The following ASAP1 variants were observed in gnomAD, a reference collection of about 807,000 sequenced individuals.
ASAP1 encodes the protein arf-GAP with SH3 domain, ANK repeat and PH domain-containing protein 1.
A neutral mutation model predicts 145.2 loss-of-function variants in ASAP1; 43 were observed. The observed-to-expected ratio is 0.30, with a 90% CI of 0.23 to 0.38. The LOEUF is 0.38. ASAP1 is among the 10% of genes least tolerant of loss of function. The pLI is 1.00. For synonymous variants in ASAP1, 546 were observed against 515.5 expected, an observed-to-expected ratio of 1.06 and a Z score of -0.80; for missense variants, 1,018 against 1,355.3, an observed-to-expected ratio of 0.75 and a Z score of 3.91.
chr8:130,085,955 G>A (rs1487835951), intron 25 of ASAP1, among the ~76,000 whole-genome samples: 1 of 152,134 alleles, frequency 6.6e-6, no homozygotes, highest in African/African-American at 2.4e-5. Flanking sequence ...TTGTGGTTCT[G>A]GCAGGGAAAA....
chr8:130,188,090 C>A lies in ASAP1; in HGVS notation c.480+19G>T. Reference sequence around the variant, plus strand: ...AATCCTTTCAAGTTAAAGTGAAAATCAAATTTCTGAACACTTACTCCTTTG... The same window carrying A: ...AATCCTTTCAAGTTAAAGTGAAAATAAAATTTCTGAACACTTACTCCTTTG... On this transcript the variant is annotated intron_variant, in intron 6 of 29. Transcript: ENST00000518721. 6.3e-7 allele frequency: 1 copy of A among 1,580,158 alleles called. No homozygotes were observed. Among genetic ancestry groups the A allele is most frequent in the Non-Finnish European group, 8.7e-7 (1 of 1,154,414 alleles).
At chr8:130,228,574 G>C (rs1326602190) in intron 4 of ASAP1, among the ~76,000 whole-genome samples, 1 of 151,830 alleles carries the variant, frequency 6.6e-6, no homozygotes, top group East Asian at 1.9e-4. Context: ...GGTAGCAAGT[G>C]CCTGTGGTCC....
At chr8:130,264,085 G>T (rs1820100785) in intron 3 of ASAP1, among the ~76,000 whole-genome samples, 1 of 152,224 alleles carries the variant, frequency 6.6e-6, no homozygotes, top group African/African-American at 2.4e-5. Context: ...ACATGGTGTG[G>T]AGGTCAACAG....
intron 5 of ASAP1, among the ~76,000 whole-genome samples, chr8:130,191,119 G>A (rs1031729729): frequency 3.3e-5 from 5 of 151,802 alleles, no homozygotes; most frequent in Admixed American, 3.3e-4. Flanking sequence ...GGCACAAAGA[G>A]GAATCTACAA....
At chr8:130,292,627 A>AT (rs1201708860) in intron 3 of ASAP1, among the ~76,000 whole-genome samples, 1 of 152,218 alleles carries the variant, frequency 6.6e-6, no homozygotes, top group Non-Finnish European at 1.5e-5. Flanking sequence ...ATTCTCTACT[A>AT]TAATTGTCTC....
At chr8:130,117,389 A>G (rs180731311) in intron 20 of ASAP1, among the ~76,000 whole-genome samples, 1 of 152,330 alleles carries the variant, frequency 6.6e-6, no homozygotes, top group African/African-American at 2.4e-5. Flanking sequence ...CAGGTAATCT[A>G]TCTCTGGAGC....
At position 130,116,904 on chromosome 8, in the gene ASAP1, T is replaced by C; in HGVS notation, c.1972A>G (p.Arg658Gly). 1 of 1,614,014 alleles carries C rather than the reference T, an allele frequency of 6.2e-7. No individual in the cohort carries two copies. The stretch of plus-strand genomic sequence containing the variant: ...CCTATATCCACAGTGGGCTTGCTCC[T>C]GAGCAAAAGCTTCAAACACTCAGGT... ...SKPECLKLLLRSKPTVDIVNQ... is the reference protein window; with the variant it reads ...SKPECLKLLLGSKPTVDIVNQ... The change falls in exon 21 of 30, where the codon AGG becomes GGG. Residue 658 changes from arginine (R) to glycine (G), a missense_variant. Transcript: ENST00000518721.
At chr8:130,206,576 C>T (rs1239465740) in intron 5 of ASAP1, among the ~76,000 whole-genome samples, 1 of 152,110 alleles carries the variant, frequency 6.6e-6, no homozygotes, top group Non-Finnish European at 1.5e-5. Context: ...AATAACTGCC[C>T]TCCAACTGTT....
chr8:130,313,554 T>C (rs949587442), intron 3 of ASAP1, among the ~76,000 whole-genome samples: 3 of 152,240 alleles, frequency 2.0e-5, no homozygotes, highest in Non-Finnish European at 4.4e-5. Context: ...ATTACAGTTA[T>C]ATTGCCCAAC....
chr8:130,202,919 GA>G (rs1815961194), intron 5 of ASAP1, among the ~76,000 whole-genome samples: 1 of 152,164 alleles, frequency 6.6e-6, no homozygotes, highest in African/African-American at 2.4e-5. Context: ...ACTAGTTCAA[GA>G]CTGCATCAGC....
chr8:130,318,293 G>A (rs150610879), intron 3 of ASAP1, among the ~76,000 whole-genome samples: 10 of 152,170 alleles, frequency 6.6e-5, no homozygotes, highest in African/African-American at 2.4e-4. Context: ...TGTTGCCCAG[G>A]CTGGTTTCAA....
At chr8:130,269,620 T>C (rs190013390) in intron 3 of ASAP1, among the ~76,000 whole-genome samples, 20 of 152,338 alleles carry the variant, frequency 1.3e-4, no homozygotes, top group African/African-American at 4.6e-4. Flanking sequence ...CTAGGTTTTC[T>C]AGGTTTTGAT....
chr8:130,223,392 A>G (rs1043870889), intron 4 of ASAP1, among the ~76,000 whole-genome samples: 2 of 152,222 alleles, frequency 1.3e-5, no homozygotes, highest in African/African-American at 4.8e-5. Context: ...GACAATGCCT[A>G]TAAGGAACAT....
intron 1 of ASAP1, among the ~76,000 whole-genome samples, chr8:130,425,615 T>C (rs186529082): frequency 5.3e-4 from 81 of 152,272 alleles, no homozygotes; most frequent in African/African-American, 1.9e-3. Flanking sequence ...ACAGATGTTT[T>C]GAAAAGGTTA....
At chr8:130,255,295 C>T (rs1298091158) in intron 3 of ASAP1, among the ~76,000 whole-genome samples, 1 of 152,102 alleles carries the variant, frequency 6.6e-6, no homozygotes, top group Non-Finnish European at 1.5e-5. Context: ...AGACAAAAAG[C>T]TTAAACTTTA....
At chr8:130,285,981 A>C (rs1414900284) in intron 3 of ASAP1, among the ~76,000 whole-genome samples, 91 of 152,248 alleles carry the variant, frequency 6.0e-4, no homozygotes, top group Non-Finnish European at 4.4e-5. Context: ...CCTGCTAACA[A>C]GTTTCTGATA....
At chr8:130,224,289 T>C (rs1364026607) in intron 4 of ASAP1, among the ~76,000 whole-genome samples, 4 of 152,236 alleles carry the variant, frequency 2.6e-5, no homozygotes, top group Non-Finnish European at 4.4e-5. Context: ...ACATAAATCA[T>C]AGCACTGCCA....
At chr8:130,432,862 G>T (rs1032942642) in intron 1 of ASAP1, among the ~76,000 whole-genome samples, 7 of 152,156 alleles carry the variant, frequency 4.6e-5, no homozygotes, top group Admixed American at 6.5e-5. Flanking sequence ...ACTGCCAAGG[G>T]GAATAGGACC....
chr8:130,257,774 G>A (rs1339494848), intron 3 of ASAP1, among the ~76,000 whole-genome samples: 1 of 128,328 alleles, frequency 7.8e-6, no homozygotes, highest in Non-Finnish European at 1.6e-5. Context: ...AAACTGATTT[G>A]GACTCAAGAG....
Sources: gnomAD v4.1 joint callset for allele counts (sites outside exome capture counted in the v4.1 genomes callset) on GRCh38, gnomAD v4.1.1 for gene constraint, MANE v1.5 for transcripts, NCBI Gene and HGNC (gene_info 2026-07-23, HGNC 2026-07-21) for gene names.